Variants in RBFOX1 observed in about 807,000 individuals in gnomAD.
RBFOX1 encodes RNA binding protein fox-1 homolog 1.
In RBFOX1, 8 loss-of-function variants were observed where a neutral mutation model predicts 57.7. The observed-to-expected ratio is 0.14, with a 90% CI of 0.08 to 0.25. The LOEUF is 0.25. RBFOX1 is among the 10% of genes least tolerant of loss of function. The pLI is 1.00. For synonymous variants in RBFOX1, 326 were observed against 222.4 expected (o/e 1.47, Z -4.15); for missense variants, 611 against 548.5 (o/e 1.11, Z -1.14).
intron 2 of RBFOX1, among the ~76,000 whole-genome samples, chr16:5,593,608 C>A (rs2047082910): frequency 6.6e-6 from 1 of 152,188 alleles, no homozygotes; most frequent in African/African-American, 2.4e-5. Flanking sequence ...TACACTCCCA[C>A]CAGCGTCATG....
At chr16:7,348,201 T>A (rs1323853676) in intron 4 of RBFOX1, among the ~76,000 whole-genome samples, 1 of 152,212 alleles carries the variant, frequency 6.6e-6, no homozygotes, top group Non-Finnish European at 1.5e-5. Context: ...ATATACCACA[T>A]AGATACATAA....
chr16:6,074,109 T>C (rs1252878235), intron 1 of RBFOX1, among the ~76,000 whole-genome samples: 1 of 152,036 alleles, frequency 6.6e-6, no homozygotes, highest in Admixed American at 6.6e-5. Context: ...CCACCACGCC[T>C]GGCTAATTTT....
intron 4 of RBFOX1, among the ~76,000 whole-genome samples, chr16:7,359,807 A>T (rs2097286233): frequency 6.6e-6 from 1 of 152,034 alleles, no homozygotes; most frequent in Non-Finnish European, 1.5e-5. Context: ...ACATGGTGAA[A>T]CCCCGTCTCT....
chr16:5,935,946 G>A (rs138130092), intron 4 of RBFOX1, among the ~76,000 whole-genome samples: 114 of 152,258 alleles, frequency 7.5e-4, no homozygotes, highest in Admixed American at 2.6e-3. Context: ...CTCCCCTGGA[G>A]GCCCTCAGGG....
intron 4 of RBFOX1, among the ~76,000 whole-genome samples, chr16:5,897,015 G>GTTTTTTTTT (rs2058181951): frequency 1.2e-5 from 1 of 80,932 alleles, no homozygotes; most frequent in African/African-American, 5.0e-5. Flanking sequence ...GTATCCATCC[G>GTTTTTTTTT]CTTTTTTTTT....
chr16:5,400,955 T>C (rs545159065), intron 1 of RBFOX1, among the ~76,000 whole-genome samples: 3 of 152,204 alleles, frequency 2.0e-5, no homozygotes, highest in Non-Finnish European at 4.4e-5. Flanking sequence ...ATTTGAAAGA[T>C]TCTTTATATA....
In RBFOX1 at chr16:5,930,202, AATGGATGG is replaced by A. The variant is rs56153541; in HGVS notation, c.351+62903_351+62910del. Among the ~76,000 whole-genome samples, 446 of 112,132 alleles carry A rather than the reference AATGGATGG, an allele frequency of 4.0e-3. 1 individual carries two copies. Among genetic ancestry groups the A allele is most frequent in the Non-Finnish European group, 5.2e-3 (284 of 54,850 alleles). The allele number at this position is 112,132 out of a possible 152,430, so 73.6% of individuals were successfully genotyped here. ...CACCAAATAGCTTAAAAGAAAGAAG[AATGGATGG>A]ATGGATGGATGGATGGATGGATGGA... is the stretch of plus-strand genomic sequence containing the variant. On this transcript the variant is annotated intron_variant, in intron 4 of 19. Coordinates refer to the RBFOX1 transcript ENST00000641259.
intron 5 of RBFOX1, among the ~76,000 whole-genome samples, chr16:7,577,546 A>G (rs2093432709): frequency 6.6e-6 from 1 of 152,228 alleles, no homozygotes; most frequent in Admixed American, 6.5e-5. Flanking sequence ...AACCTCCAGC[A>G]GTGTCATATG....
Position 6,645,449 on chromosome 16 carries a change from G to A in RBFOX1, c.-63-9154G>A, listed in dbSNP as rs559940496. 6.6e-5 allele frequency among the ~76,000 whole-genome samples: 10 copies of A among 152,264 alleles called. 1 individual carries two copies. The South Asian group carries it at 1.9e-3, about 28-fold the overall frequency. The stretch of plus-strand genomic sequence containing the variant: ...TTTAAGTGCCAGATACTTCAGAGCT[G>A]GGAATGCTGCTGGTAAGGGATCCGG... On this transcript the variant is annotated intron_variant, in intron 2 of 15. Coordinates refer to ENST00000550418, the MANE Select transcript of RBFOX1 (RefSeq NM_018723.4).
chr16:6,578,579 A>G (rs1271336106), intron 2 of RBFOX1, among the ~76,000 whole-genome samples: 1 of 24,776 alleles, frequency 4.0e-5, no homozygotes, highest in Non-Finnish European at 1.3e-4. Flanking sequence ...GATGTCGGCT[A>G]TGGGTATTGG....
chr16:5,579,576 T>C (rs1454076972), intron 2 of RBFOX1, among the ~76,000 whole-genome samples: 1 of 152,110 alleles, frequency 6.6e-6, no homozygotes, highest in East Asian at 1.9e-4. Flanking sequence ...CAGCTCGCCC[T>C]GCTGCTCAAA....
intron 3 of RBFOX1, among the ~76,000 whole-genome samples, chr16:6,698,337 G>C (rs926408010): frequency 3.3e-5 from 5 of 152,220 alleles, no homozygotes; most frequent in African/African-American, 7.2e-5. Flanking sequence ...ATGTGGGAAA[G>C]TCTGCATTGA....
At chr16:6,266,096 A>G (rs964798895) in intron 1 of RBFOX1, among the ~76,000 whole-genome samples, 3 of 152,096 alleles carry the variant, frequency 2.0e-5, no homozygotes, top group Non-Finnish European at 2.9e-5. Flanking sequence ...GAGATGTGTC[A>G]CTTCTGGGCG....
At chr16:5,746,994 G>A (rs13337050) in intron 3 of RBFOX1, among the ~76,000 whole-genome samples, 20,867 of 152,208 alleles carry the variant, frequency 0.14, 1,571 homozygotes, top group African/African-American at 0.16. Context: ...GGAGTGGTGA[G>A]AGAGGGCATC....
intron 2 of RBFOX1, among the ~76,000 whole-genome samples, chr16:5,571,773 A>T (rs2046292371): frequency 6.6e-6 from 1 of 152,228 alleles, no homozygotes; most frequent in African/African-American, 2.4e-5. Flanking sequence ...CTAGAAGCTC[A>T]GGGTCCTTGT....
intron 4 of RBFOX1, among the ~76,000 whole-genome samples, chr16:7,240,546 G>C (rs1162714220): frequency 6.6e-6 from 1 of 151,832 alleles, no homozygotes; most frequent in Admixed American, 6.6e-5. Flanking sequence ...TTTTTTGTTT[G>C]TTTGTTTGTT....
At chr16:7,443,041 C>A (rs930100025) in intron 4 of RBFOX1, among the ~76,000 whole-genome samples, 67 of 152,182 alleles carry the variant, frequency 4.4e-4, no homozygotes, top group African/African-American at 1.6e-3. Context: ...TTACTTTGGG[C>A]AGCCCCATTC....
Position 7,277,681 on chromosome 16 carries a change from C to T in RBFOX1, c.27+225583C>T, listed in dbSNP as rs1307509250. Among the ~76,000 whole-genome samples, 6 of 151,984 alleles carry T rather than the reference C, an allele frequency of 3.9e-5. No individual in the cohort carries two copies. In the South Asian group the frequency reaches 8.3e-4, roughly 21 times the overall value. ...GAAGCTTGAGAGAAGTCTACCAGGGCGGATACCCATCGAAAAATCAAAGCC... is the reference window on the plus strand; with the variant it reads ...GAAGCTTGAGAGAAGTCTACCAGGGTGGATACCCATCGAAAAATCAAAGCC... On this transcript the variant is annotated intron_variant, in intron 4 of 15. Coordinates refer to ENST00000550418, the MANE Select transcript of RBFOX1 (RefSeq NM_018723.4).
At chr16:5,722,045 G>C (rs2051956308) in intron 3 of RBFOX1, among the ~76,000 whole-genome samples, 1 of 152,192 alleles carries the variant, frequency 6.6e-6, no homozygotes, top group Non-Finnish European at 1.5e-5. Context: ...TCATGTGGTA[G>C]AATCATAAAT....
Sources: allele counts gnomAD v4.1 joint callset (sites outside exome capture counted in the v4.1 genomes callset), GRCh38; gene constraint gnomAD v4.1.1; transcripts MANE v1.5; gene names NCBI Gene and HGNC (gene_info 2026-07-23, HGNC 2026-07-21).